The following ATP8A2 variants were observed in gnomAD, a reference collection of about 807,000 sequenced individuals.
ATP8A2 encodes the protein phospholipid-transporting ATPase IB.
Under a neutral mutation model 165.6 loss-of-function variants are expected in ATP8A2, and 100 were observed. The observed-to-expected ratio is 0.60, with a 90% CI of 0.51 to 0.71. The LOEUF is 0.71. ATP8A2 is among the 30% of genes least tolerant of loss of function. The pLI, the probability that ATP8A2 is intolerant of heterozygous loss-of-function variation, is 0.00. For synonymous variants in ATP8A2, 543 were observed against 548.8 expected, an observed-to-expected ratio of 0.99 and a Z score of 0.15; for missense variants, 1,227 against 1,479.5, an observed-to-expected ratio of 0.83 and a Z score of 2.80.
chr13:25,704,643 C>T (rs2043019490), intron 25 of ATP8A2, among the ~76,000 whole-genome samples: 1 of 152,104 alleles, frequency 6.6e-6, no homozygotes, highest in African/African-American at 2.4e-5. Context: ...GGCCTTTTGA[C>T]AGCATTAGCA....
At chr13:25,714,121 A>AG (rs2043207646) in intron 25 of ATP8A2, among the ~76,000 whole-genome samples, 1 of 144,646 alleles carries the variant, frequency 6.9e-6, no homozygotes, top group African/African-American at 2.6e-5. Context: ...GCTAAAAGAA[A>AG]GAAAGGAAGG....
At chr13:25,656,412 A>T (rs575734244) in intron 24 of ATP8A2, among the ~76,000 whole-genome samples, 1 of 151,658 alleles carries the variant, frequency 6.6e-6, no homozygotes, top group South Asian at 2.1e-4. Context: ...AGTAGCTGGG[A>T]TTACAGGTGT....
At chr13:25,529,644 C>T (rs1232975133) in intron 2 of ATP8A2, among the ~76,000 whole-genome samples, 5 of 152,144 alleles carry the variant, frequency 3.3e-5, no homozygotes, top group African/African-American at 1.2e-4. Flanking sequence ...CATGAAACAT[C>T]TGTGGTGGTT....
intron 1 of ATP8A2, among the ~76,000 whole-genome samples, chr13:25,405,974 A>G (rs1432374180): frequency 6.6e-6 from 1 of 152,042 alleles, no homozygotes; most frequent in East Asian, 1.9e-4. Flanking sequence ...TCACTCATTC[A>G]TTTATTCATT....
intron 26 of ATP8A2, 137 bp downstream of exon 26, chr13:25,769,366 G>A (rs1011007123): frequency 3.8e-6 from 3 of 797,286 alleles, no homozygotes; most frequent in Non-Finnish European, 5.8e-6. Context: ...GAAACCCCGG[G>A]GATATTTGGA....
chr13:25,954,974 G>A (rs779797360), intron 33 of ATP8A2, among the ~76,000 whole-genome samples: 1 of 152,118 alleles, frequency 6.6e-6, no homozygotes, highest in Non-Finnish European at 1.5e-5. Context: ...CACCAGCAAG[G>A]GAACAAAATT....
chr13:25,449,712 C>A (rs1273148206), intron 1 of ATP8A2, among the ~76,000 whole-genome samples: 1 of 152,138 alleles, frequency 6.6e-6, no homozygotes, highest in South Asian at 2.1e-4. Flanking sequence ...TATTAGTTTT[C>A]CATTATATAT....
chr13:25,955,000 T>C (rs1173929103), intron 33 of ATP8A2, among the ~76,000 whole-genome samples: 1 of 152,308 alleles, frequency 6.6e-6, no homozygotes, highest in Non-Finnish European at 1.5e-5. Flanking sequence ...GAGAATGAGT[T>C]TGACGAATGG....
chr13:25,588,267 A>G (rs1201274084), intron 23 of ATP8A2, among the ~76,000 whole-genome samples: 1 of 152,066 alleles, frequency 6.6e-6, no homozygotes, highest in Non-Finnish European at 1.5e-5. Flanking sequence ...CACAAACGAA[A>G]TTTTTTTACT....
At chr13:25,398,343 T>C (rs2033501862) in intron 1 of ATP8A2, among the ~76,000 whole-genome samples, 1 of 152,162 alleles carries the variant, frequency 6.6e-6, no homozygotes, top group African/African-American at 2.4e-5. Context: ...TGATGGTCAT[T>C]TGCGCCTAAA....
intron 2 of ATP8A2, among the ~76,000 whole-genome samples, chr13:25,523,985 A>G (rs577980005): frequency 6.6e-6 from 1 of 151,788 alleles, no homozygotes; most frequent in Admixed American, 6.6e-5. Flanking sequence ...TTTTTGATGT[A>G]GGTGTTTATT....
At chr13:25,545,038 G>A (rs1040481863) in intron 10 of ATP8A2, among the ~76,000 whole-genome samples, 5 of 151,142 alleles carry the variant, frequency 3.3e-5, no homozygotes, top group Admixed American at 6.6e-5. Flanking sequence ...CTGGCGCACC[G>A]TCTGCTTGGG....
At chr13:25,519,041 C>T (rs2037571673) in intron 2 of ATP8A2, among the ~76,000 whole-genome samples, 1 of 152,212 alleles carries the variant, frequency 6.6e-6, no homozygotes, top group African/African-American at 2.4e-5. Flanking sequence ...TTTCAGTTCT[C>T]TTCATACTTC....
intron 35 of ATP8A2, among the ~76,000 whole-genome samples, chr13:26,003,052 G>A (rs530167876): frequency 6.6e-6 from 1 of 152,202 alleles, no homozygotes; most frequent in African/African-American, 2.4e-5. Flanking sequence ...CCAGAAGTGA[G>A]ATTGCTGGAT....
At chr13:26,008,073 T>G (rs917150041) in intron 35 of ATP8A2, among the ~76,000 whole-genome samples, 1 of 152,076 alleles carries the variant, frequency 6.6e-6, no homozygotes. Flanking sequence ...GCTAATATAT[T>G]AATATACAAA....
chr13:25,787,299 G>C (rs1192453274), intron 27 of ATP8A2, among the ~76,000 whole-genome samples: 1 of 152,200 alleles, frequency 6.6e-6, no homozygotes, highest in East Asian at 1.9e-4. Context: ...AATGCTGTAT[G>C]AATGGAATTG....
At chr13:25,580,751 C>G (rs2039752634) in intron 22 of ATP8A2, among the ~76,000 whole-genome samples, 2 of 152,154 alleles carry the variant, frequency 1.3e-5, no homozygotes. Flanking sequence ...CCAGGCTGGT[C>G]TCAAACTCCT....
At chr13:25,474,064 G>A (rs139549495) in intron 2 of ATP8A2, among the ~76,000 whole-genome samples, 1 of 152,142 alleles carries the variant, frequency 6.6e-6, no homozygotes, top group African/African-American at 2.4e-5. Flanking sequence ...AAGCTAGTTA[G>A]GAATGTTTAT....
chr13:25,989,305 G>T (rs1274411448), intron 35 of ATP8A2, among the ~76,000 whole-genome samples: 2 of 152,042 alleles, frequency 1.3e-5, no homozygotes, highest in Non-Finnish European at 2.9e-5. Flanking sequence ...CAATTAATTT[G>T]CAGCTGAATG....
Sources: allele counts gnomAD v4.1 joint callset (sites outside exome capture counted in the v4.1 genomes callset), GRCh38; gene constraint gnomAD v4.1.1; transcripts MANE v1.5; gene names NCBI Gene and HGNC (gene_info 2026-07-23, HGNC 2026-07-21).